Variants in FGD3 observed in about 807,000 individuals in gnomAD.
The protein encoded by FGD3 is FYVE, RhoGEF and PH domain containing 3.
Under a neutral mutation model 71.8 loss-of-function variants are expected in FGD3, and 45 were observed. That is an observed-to-expected ratio of 0.63 (90% CI 0.49 to 0.80). The LOEUF (loss-of-function observed/expected upper bound fraction) is 0.80, where lower values mean the gene tolerates loss of function less well. FGD3 is among the 30% of genes least tolerant of loss of function. FGD3 has a pLI of 0.00. For missense variants in FGD3, 844 were observed against 951.5 expected (o/e 0.89, Z 1.49); for synonymous variants, 378 against 392.8 (o/e 0.96, Z 0.44).
intron 3 of FGD3, among the ~76,000 whole-genome samples, 156 bp downstream of exon 3, chr9:92,976,865 C>G (rs574446265): frequency 6.6e-6 from 1 of 152,196 alleles, no homozygotes; most frequent in East Asian, 1.9e-4. Flanking sequence ...TGCAGTCTGC[C>G]CTAGAAAAGC....
At chr9:93,030,079 A>C in intron 15 of FGD3, 83 bp downstream of exon 15, 1 of 1,519,986 alleles carries the variant, frequency 6.6e-7, no homozygotes, top group Non-Finnish European at 8.9e-7. Flanking sequence ...CACCAGCAGC[A>C]CACCAGCCAT....
At chr9:92,961,213 C>T (rs936921354) in intron 1 of FGD3, among the ~76,000 whole-genome samples, 1 of 152,192 alleles carries the variant, frequency 6.6e-6, no homozygotes, top group Non-Finnish European at 1.5e-5. Flanking sequence ...CCCCCTTTCT[C>T]ATCAGAGGCA....
intron 15 of FGD3, among the ~76,000 whole-genome samples, chr9:93,031,709 G>A (rs544355102): frequency 4.6e-5 from 7 of 152,314 alleles, no homozygotes; most frequent in African/African-American, 1.7e-4. Context: ...GCCAGTGCCT[G>A]CAGGTTTAGG....
chr9:93,002,854 T>G, intron 3 of FGD3, 71 bp from the exon 4 acceptor site: 1 of 1,487,882 alleles, frequency 6.7e-7, no homozygotes, highest in Non-Finnish European at 9.3e-7. Context: ...CTGCACACAG[T>G]GGCAGCCCGT....
chr9:92,998,089 G>A (rs934750675), intron 3 of FGD3, among the ~76,000 whole-genome samples: 3 of 152,092 alleles, frequency 2.0e-5, no homozygotes, highest in Non-Finnish European at 2.9e-5. Flanking sequence ...CATTCTCCCC[G>A]TCACTTTCAG....
intron 3 of FGD3, among the ~76,000 whole-genome samples, chr9:92,988,072 A>G (rs1479271817): frequency 1.3e-5 from 2 of 152,160 alleles, no homozygotes; most frequent in African/African-American, 2.4e-5. Context: ...TTGTCTCATT[A>G]CCAGGAAAAA....
chr9:93,025,077 C>T (rs1346269068), intron 14 of FGD3, among the ~76,000 whole-genome samples: 1 of 152,220 alleles, frequency 6.6e-6, no homozygotes, highest in Middle Eastern at 3.2e-3. Context: ...GTCCGGGCAT[C>T]TGCTGGACCA....
At position 93,034,720 on chromosome 9, in the gene FGD3, C is replaced by G. The variant is rs796274864; in HGVS notation, c.1926+39C>G. ...CCCCACCAGGCCCTCAGGCCAGCAG[C>G]CCAGAGCCTCAGGCCTGAGGCACCC... On this transcript the variant is annotated intron_variant, in intron 17 of 17. Coordinates refer to ENST00000375482, the MANE Select transcript of FGD3 (RefSeq NM_001083536.2). The G allele has an allele frequency of 1.1e-5, 18 of 1,595,174 alleles. No individual in the cohort carries two copies. The African/African-American group carries it at 2.2e-4, about 19-fold the overall frequency.
At chr9:93,001,827 T>C (rs1274481842) in intron 3 of FGD3, among the ~76,000 whole-genome samples, 1 of 152,166 alleles carries the variant, frequency 6.6e-6, no homozygotes, top group Non-Finnish European at 1.5e-5. Flanking sequence ...CCTGCCACAA[T>C]AGGGCCTTCA....
chr9:92,977,620 G>A (rs971894444), intron 3 of FGD3, among the ~76,000 whole-genome samples: 3 of 152,128 alleles, frequency 2.0e-5, no homozygotes, highest in African/African-American at 7.2e-5. Flanking sequence ...TCAGGTGTAG[G>A]AAGGATCAGA....
intron 13 of FGD3, among the ~76,000 whole-genome samples, chr9:93,021,515 A>G (rs1019499821): frequency 1.3e-5 from 2 of 152,098 alleles, no homozygotes; most frequent in African/African-American, 4.8e-5. Context: ...AGGGGTTGGA[A>G]GTGTAGCAAG....
intron 1 of FGD3, among the ~76,000 whole-genome samples, chr9:92,966,456 C>G (rs1859329986): frequency 6.6e-6 from 1 of 152,236 alleles, no homozygotes; most frequent in Non-Finnish European, 1.5e-5. Flanking sequence ...TTCCCAAAAG[C>G]AAGTATTGAA....
intron 3 of FGD3, among the ~76,000 whole-genome samples, chr9:93,001,094 A>G (rs1306909116): frequency 6.6e-6 from 1 of 152,020 alleles, no homozygotes; most frequent in Non-Finnish European, 1.5e-5. Flanking sequence ...TTGTCGGTTC[A>G]ATTAAAGTGT....
At chr9:93,028,357 AAG>A (rs1328234739) in intron 14 of FGD3, among the ~76,000 whole-genome samples, 1 of 151,256 alleles carries the variant, frequency 6.6e-6, no homozygotes, top group African/African-American at 2.4e-5. Flanking sequence ...AAAAAAAAGA[AAG>A]AAAAACACCT....
chr9:92,979,688 CT>C (rs1213593360), intron 3 of FGD3, among the ~76,000 whole-genome samples: 6 of 152,112 alleles, frequency 3.9e-5, no homozygotes, highest in African/African-American at 1.4e-4. Flanking sequence ...GGTTTTATTT[CT>C]TTTTAAAATG....
intron 3 of FGD3, among the ~76,000 whole-genome samples, chr9:92,989,519 A>G (rs759099708): frequency 1.3e-5 from 2 of 152,252 alleles, no homozygotes; most frequent in African/African-American, 2.4e-5. Flanking sequence ...GGTTGAGGTC[A>G]TGCTTGGAAG....
intron 14 of FGD3, among the ~76,000 whole-genome samples, chr9:93,029,498 T>A (rs1242374500): frequency 6.6e-6 from 1 of 152,158 alleles, no homozygotes; most frequent in Non-Finnish European, 1.5e-5. Flanking sequence ...GATGCCCCCG[T>A]CCCCAGGGCT....
Position 93,003,102 on chromosome 9 carries a change from A to C in FGD3, c.543+88A>C. On this transcript the variant is annotated intron_variant, in intron 4 of 17. Transcript: ENST00000375482. This position sits in a 1 kb window ranked among gnomAD's most constrained non-coding sequence, Gnocchi z 4.1. ...CAGTGTGAATGACTTAAATACTAAAACTCAGACAAATTTAAGTCTGGTCTA... is the reference window on the plus strand; with the variant it reads ...CAGTGTGAATGACTTAAATACTAAACCTCAGACAAATTTAAGTCTGGTCTA... 1 of 1,257,234 alleles carries C rather than the reference A, an allele frequency of 8.0e-7. No homozygotes were observed. The highest frequency in any genetic ancestry group is 1.1e-6 in the Non-Finnish European group (1 of 886,168). 77.9% of individuals were successfully genotyped at this position (1,257,234 alleles called of 1,614,324 possible).
chr9:92,950,377 A>T (rs1210129388), intron 1 of FGD3, among the ~76,000 whole-genome samples: 1 of 151,610 alleles, frequency 6.6e-6, no homozygotes, highest in Admixed American at 6.6e-5. Flanking sequence ...AGATCGGGCC[A>T]CTACACACTC....
Sources: gnomAD v4.1 joint callset for allele counts (sites outside exome capture counted in the v4.1 genomes callset) on GRCh38, gnomAD v4.1.1 for gene constraint, Gnocchi (gnomAD v3.1) non-coding constraint, MANE v1.5 for transcripts, NCBI Gene and HGNC (gene_info 2026-07-23, HGNC 2026-07-21) for gene names.